GPR149: variants seen among roughly 807,000 people sequenced by gnomAD.
GPR149 encodes probable G protein-coupled receptor 149.
In GPR149, 50 loss-of-function variants were observed where a neutral mutation model predicts 50.2. That is an observed-to-expected ratio of 1.00 (90% CI 0.79 to 1.26). GPR149 has a LOEUF of 1.26. Ranked by LOEUF, GPR149 falls within the 50% of genes most tolerant of loss-of-function variation. The pLI is 0.00. For synonymous variants in GPR149, 405 were observed against 358.2 expected (o/e 1.13, Z -1.48); for missense variants, 983 against 895.4 (o/e 1.10, Z -1.25).
intron 3 of GPR149, among the ~76,000 whole-genome samples, chr3:154,356,268 AG>A (rs1260384177): frequency 6.6e-6 from 1 of 152,080 alleles, no homozygotes; most frequent in Non-Finnish European, 1.5e-5. Flanking sequence ...TGAAGATAAG[AG>A]GTTTAATTGA....
intron 3 of GPR149, among the ~76,000 whole-genome samples, chr3:154,362,837 T>TGA (rs1461645133): frequency 1.3e-4 from 20 of 152,222 alleles, no homozygotes; most frequent in African/African-American, 4.6e-4. Flanking sequence ...AAACAAACAC[T>TGA]ATTCAAGTCC....
intron 3 of GPR149, among the ~76,000 whole-genome samples, chr3:154,405,660 C>T (rs145914819): frequency 2.3e-4 from 34 of 145,464 alleles, no homozygotes; most frequent in East Asian, 4.0e-4. Context: ...AAGATAAAGA[C>T]GATAACTCAC....
intron 3 of GPR149, among the ~76,000 whole-genome samples, chr3:154,380,054 C>A (rs1397796107): frequency 6.6e-6 from 1 of 152,028 alleles, no homozygotes; most frequent in African/African-American, 2.4e-5. Flanking sequence ...AATAATTAGG[C>A]TCATATGGTA....
chr3:154,410,685 T>C (rs997680345), intron 3 of GPR149, among the ~76,000 whole-genome samples: 3 of 151,974 alleles, frequency 2.0e-5, no homozygotes, highest in Non-Finnish European at 4.4e-5. Flanking sequence ...GCTCCCAAAT[T>C]TATAAAACTA....
At chr3:154,387,685 T>C (rs958813557) in intron 3 of GPR149, among the ~76,000 whole-genome samples, 10 of 152,262 alleles carry the variant, frequency 6.6e-5, no homozygotes, top group Admixed American at 2.6e-4. Flanking sequence ...CTCATGGGAA[T>C]GGTGAAAAAT....
intron 3 of GPR149, chr3:154,352,176 G>A (rs1330300786): frequency 2.5e-6 from 2 of 801,872 alleles, no homozygotes; most frequent in Non-Finnish European, 2.0e-6. Context: ...TCTTGATCGA[G>A]TTCTATTCCC....
At chr3:154,381,903 G>A (rs1349485526) in intron 3 of GPR149, among the ~76,000 whole-genome samples, 2 of 152,024 alleles carry the variant, frequency 1.3e-5, no homozygotes. Flanking sequence ...AGGAAGTAAG[G>A]GAAAATATTA....
chr3:154,361,376 C>T (rs939964895), intron 3 of GPR149, among the ~76,000 whole-genome samples: 2 of 152,162 alleles, frequency 1.3e-5, no homozygotes, highest in Non-Finnish European at 2.9e-5. Context: ...TTAACAACAA[C>T]ATCAGGAATA....
intron 3 of GPR149, among the ~76,000 whole-genome samples, chr3:154,346,044 G>T (rs1335960070): frequency 6.6e-6 from 1 of 152,116 alleles, no homozygotes; most frequent in Non-Finnish European, 1.5e-5. Flanking sequence ...GTCAGTTGTT[G>T]GTTTTCTGCC....
Position 154,380,133 on chromosome 3 carries a change from T to G in GPR149, c.1623+40906A>C, listed in dbSNP as rs576687411. Among the ~76,000 whole-genome samples, 27 of 150,220 alleles carry G rather than the reference T, an allele frequency of 1.8e-4. No individual in the cohort carries two copies. The South Asian group carries it at 5.5e-3, about 31-fold the overall frequency. On this transcript the variant is annotated intron_variant, in intron 3 of 3. Transcript: ENST00000389740. ...GCTAGCTCTTATTCATTAACACCTC[T>G]GACAAAATTTGTGTGTGTGTGTGTG...
chr3:154,412,679 C>T (rs561693261), intron 3 of GPR149, among the ~76,000 whole-genome samples: 38 of 152,214 alleles, frequency 2.5e-4, no homozygotes, highest in African/African-American at 8.9e-4. Flanking sequence ...AAGCACATCC[C>T]ATGCTCATGT....
In GPR149 at chr3:154,427,700, C is replaced by T; in HGVS notation, c.990G>A (p.Met330Ile). Reference protein sequence around the residue: ...VVLWLPMMMHMVVQNVVGFQS... With the variant: ...VVLWLPMMMHIVVQNVVGFQS... The stretch of plus-strand genomic sequence containing the variant: ...GAAACCCCACGACGTTCTGGACCAC[C>T]ATGTGCATCTGCAAGGGCAAGAGAA... The change falls in exon 2 of 4, where the codon ATG (methionine) becomes ATA (isoleucine). Residue 330 changes from methionine to isoleucine, a missense_variant. Transcript: ENST00000389740. 1 of 1,611,308 alleles carries T rather than the reference C, an allele frequency of 6.2e-7. No homozygotes were observed. Among genetic ancestry groups the T allele is most frequent in the Non-Finnish European group, 8.5e-7 (1 of 1,178,686 alleles).
intron 3 of GPR149, among the ~76,000 whole-genome samples, chr3:154,346,238 T>C (rs1357612360): frequency 6.6e-6 from 1 of 152,134 alleles, no homozygotes; most frequent in Admixed American, 6.6e-5. Flanking sequence ...ATAAGGACAT[T>C]GAGAGGGAAA....
At chr3:154,382,201 G>C (rs1220206771) in intron 3 of GPR149, among the ~76,000 whole-genome samples, 2 of 152,310 alleles carry the variant, frequency 1.3e-5, no homozygotes, top group Admixed American at 1.3e-4. Flanking sequence ...AGATTCACCA[G>C]TGATGCTGAG....
At chr3:154,415,484 C>G (rs146546877) in intron 3 of GPR149, among the ~76,000 whole-genome samples, 1 of 151,962 alleles carries the variant, frequency 6.6e-6, no homozygotes, top group African/African-American at 2.4e-5. Flanking sequence ...GAATTTTCAG[C>G]CACACTTCAA....
At chr3:154,343,714 C>A (rs1713856514) in intron 3 of GPR149, among the ~76,000 whole-genome samples, 1 of 152,104 alleles carries the variant, frequency 6.6e-6, no homozygotes, top group Non-Finnish European at 1.5e-5. Context: ...TCCCTGTAAT[C>A]CCTTTGTCAG....
Position 154,352,279 on chromosome 3 carries a change from C to T in GPR149, c.1624-14008G>A, listed in dbSNP as rs1714099152. On this transcript the variant is annotated intron_variant, in intron 3 of 3. Transcript: ENST00000389740. The stretch of plus-strand genomic sequence containing the variant: ...CCACCAGATGGACCACCTGACTGGC[C>T]TGACCCGCCTGACCAGCCACTTGAC... 4.7e-6 allele frequency: 4 copies of T among 850,176 alleles called. No individual in the cohort carries two copies. In the South Asian group the frequency reaches 4.8e-5, roughly 10 times the overall value. The allele number at this position is 850,176 out of a possible 1,614,324, so 52.7% of individuals were successfully genotyped here.
Position 154,397,690 on chromosome 3 carries a change from C to T in GPR149, c.1623+23349G>A, listed in dbSNP as rs534693150. 5.8e-4 allele frequency among the ~76,000 whole-genome samples: 88 copies of T among 152,200 alleles called. 3 individuals carry two copies. The South Asian group carries it at 0.018, about 31-fold the overall frequency. On this transcript the variant is annotated intron_variant, in intron 3 of 3. Coordinates refer to ENST00000389740, the MANE Select transcript of GPR149 (RefSeq NM_001038705.3). ...TTTTCTGACTTGCATGCTATAAATA[C>T]TCCCACCATGGCTGATTTAAAGCTA... is the stretch of plus-strand genomic sequence containing the variant.
rs1430513309 is a variant in GPR149, at chr3:154,378,091, T to TCC, written c.1624-39821_1624-39820insGG. 2.3e-4 allele frequency among the ~76,000 whole-genome samples: 23 copies of TCC among 98,508 alleles called. No homozygotes were observed. In the East Asian group the frequency reaches 7.0e-3, roughly 30 times the overall value. 64.6% of individuals were successfully genotyped at this position (98,508 alleles called of 152,430 possible). ...TATATTGATATATCCCCCCCCCCTT[T>TCC]TTTTTTTTTTGAGATGGAGTCCCCT... On this transcript the variant is annotated intron_variant, in intron 3 of 3. Coordinates refer to ENST00000389740, the MANE Select transcript of GPR149 (RefSeq NM_001038705.3).
Sources: allele counts gnomAD v4.1 joint callset (sites outside exome capture counted in the v4.1 genomes callset), GRCh38; gene constraint gnomAD v4.1.1; transcripts MANE v1.5; gene names NCBI Gene and HGNC (gene_info 2026-07-23, HGNC 2026-07-21).